The following PHEX variants were observed in gnomAD, a reference collection of about 807,000 sequenced individuals.
The protein encoded by PHEX is phosphate-regulating neutral endopeptidase PHEX.
In PHEX, 16 loss-of-function variants were observed where a neutral mutation model predicts 68.0. The ratio of observed to expected loss-of-function variants is 0.24; its 90% CI spans 0.16 to 0.36. The LOEUF (loss-of-function observed/expected upper bound fraction) is 0.36, where lower values mean the gene tolerates loss of function less well. PHEX is among the 10% of genes least tolerant of loss of function. PHEX has a pLI of 1.00. For missense variants in PHEX, 480 were observed against 575.5 expected (o/e 0.83, Z 1.70); for synonymous variants, 208 against 205.1 (o/e 1.01, Z -0.12).
chrX:22,174,003 A>C (rs1450219611), intron 13 of PHEX, among the ~76,000 whole-genome samples: 1 of 112,018 alleles, frequency 8.9e-6, no homozygotes, highest in African/African-American at 3.2e-5. Flanking sequence ...CGCTTATTAC[A>C]GGTTCTCCAT....
In PHEX at chrX:22,075,942, C is replaced by A. The variant is rs190193842; in HGVS notation, c.350-446C>A. Among the ~76,000 whole-genome samples the A allele has an allele frequency of 4.7e-3, 530 of 112,055 alleles. 2 individuals carry two copies. Among genetic ancestry groups the A allele is most frequent in the African/African-American group, 0.016 (485 of 30,786 alleles). ...CTAATGGGAAATTTCTTCCGGGTGA[C>A]CTCCTTGAGAGGCTGGGCTGTGGAG... On this transcript the variant is annotated intron_variant, in intron 3 of 21. Transcript: ENST00000379374.
chrX:22,174,721 G>A (rs1296274215), intron 13 of PHEX, among the ~76,000 whole-genome samples: 2 of 111,800 alleles, frequency 1.8e-5, no homozygotes, highest in African/African-American at 3.3e-5. Flanking sequence ...CTCTATTTCT[G>A]TACTGCCGTA....
chrX:22,044,712 C>CAAA (rs1376285177), intron 2 of PHEX, among the ~76,000 whole-genome samples: 2,641 of 95,329 alleles, frequency 0.028, 93 homozygotes, highest in African/African-American at 0.096. Context: ...GACTCTGTCT[C>CAAA]AAAAAATAAA....
intron 15 of PHEX, among the ~76,000 whole-genome samples, chrX:22,212,292 G>A (rs750313549): frequency 6.3e-5 from 7 of 110,846 alleles, no homozygotes; most frequent in Non-Finnish European, 1.1e-4. Flanking sequence ...TTGGCATCTC[G>A]CTGAACTCCC....
At position 22,245,392 on chromosome X, in the gene PHEX, C is replaced by T; in HGVS notation, c.2130C>T (p.His710=). 1 of 1,201,040 alleles carries T rather than the reference C, an allele frequency of 8.3e-7. No homozygotes were observed. The part of the protein sequence containing the change: ...AAREQVQIGA[H]SPPQFRVNGA... ...GAGAACAAGTCCAAATTGGTGCTCA[C>T]AGTCCCCCTCAGTTTAGGTAAATGG... The change falls in exon 21 of 22, where the codon CAC becomes CAT. Residue 710 remains histidine, a synonymous_variant. Transcript: ENST00000379374.
At chrX:22,179,783 T>C (rs1291503381) in intron 14 of PHEX, among the ~76,000 whole-genome samples, 1 of 112,140 alleles carries the variant, frequency 8.9e-6, no homozygotes. Flanking sequence ...AAGTTTATTT[T>C]AATTCTTTGA....
rs187831665 is a variant in PHEX, at chrX:22,167,167, G to A, written c.1405-1145G>A. 3.5e-4 allele frequency among the ~76,000 whole-genome samples: 39 copies of A among 110,913 alleles called. No homozygotes were observed. The East Asian group carries it at 0.01, about 29-fold the overall frequency. On this transcript the variant is annotated intron_variant, in intron 12 of 21. Transcript: ENST00000379374. Reference sequence around the variant, plus strand: ...TCCTTTGGATATATCCCCAGAAGTAGGATTACTGCTTTGTATGGTAGTTAC... The same window carrying A: ...TCCTTTGGATATATCCCCAGAAGTAAGATTACTGCTTTGTATGGTAGTTAC...
intron 11 of PHEX, among the ~76,000 whole-genome samples, chrX:22,131,383 A>G (rs1309851128): frequency 8.9e-6 from 1 of 112,727 alleles, no homozygotes; most frequent in East Asian, 2.8e-4. Context: ...TAATGGGCAG[A>G]CAAAGTTAAG....
At chrX:22,240,899 C>T (rs1936167077) in intron 20 of PHEX, among the ~76,000 whole-genome samples, 1 of 111,867 alleles carries the variant, frequency 8.9e-6, no homozygotes, top group African/African-American at 3.3e-5. Flanking sequence ...AGGGCTTGAA[C>T]TCAGCTCTGG....
At chrX:22,041,267 A>G (rs6633507) in intron 2 of PHEX, among the ~76,000 whole-genome samples, 1 of 45,160 alleles carries the variant, frequency 2.2e-5, no homozygotes. Context: ...CTCTCTCTCT[A>G]TATATATATA....
intron 14 of PHEX, among the ~76,000 whole-genome samples, chrX:22,180,684 T>C (rs1265314068): frequency 8.9e-6 from 1 of 112,013 alleles, no homozygotes; most frequent in Non-Finnish European, 1.9e-5. Flanking sequence ...AGTTGTTGAC[T>C]GCAGTCACCC....
intron 9 of PHEX, among the ~76,000 whole-genome samples, chrX:22,110,163 G>T (rs936794771): frequency 8.9e-6 from 1 of 111,861 alleles, no homozygotes; most frequent in Non-Finnish European, 1.9e-5. Flanking sequence ...TAACATCATC[G>T]ATAGCTTCTT....
At chrX:22,057,447 C>T (rs764739554) in intron 3 of PHEX, among the ~76,000 whole-genome samples, 1 of 110,954 alleles carries the variant, frequency 9.0e-6, no homozygotes, top group Non-Finnish European at 1.9e-5. Context: ...CAAAAATTAG[C>T]CAGACCTGGT....
At chrX:22,226,666 T>C (rs1357230984) in intron 19 of PHEX, among the ~76,000 whole-genome samples, 158 bp downstream of exon 19, 1 of 111,901 alleles carries the variant, frequency 8.9e-6, no homozygotes, top group Non-Finnish European at 1.9e-5. Context: ...TTGACCCTAT[T>C]ACATAAAGAG....
intron 15 of PHEX, among the ~76,000 whole-genome samples, chrX:22,202,585 A>G (rs180721313): frequency 8.9e-6 from 1 of 112,179 alleles, no homozygotes; most frequent in African/African-American, 3.2e-5. Context: ...TTTTTTGTCT[A>G]ACTGATATAG....
chrX:22,249,458 ATATATATATAT>A lies in PHEX; in HGVS notation c.*1506_*1516del, dbSNP rs1569100284. 0.017 allele frequency: 646 copies of A among 39,060 alleles called. 15 individuals carry two copies. The highest frequency in any genetic ancestry group is 0.018 in the Non-Finnish European group (400 of 21,816). 3.2% of individuals were successfully genotyped at this position (39,060 alleles called of 1,213,427 possible). ...TGATTCTTTTAAAAAAAAAAAAAAT[ATATATATATAT>A]ATATATATATATATATATGTATATC... is the stretch of plus-strand genomic sequence containing the variant. On this transcript the variant is annotated 3_prime_UTR_variant, in exon 22 of 22. Transcript: ENST00000379374.
At chrX:22,219,138 TATA>T (rs761023801) in intron 17 of PHEX, 35 bp downstream of exon 17, 1,156 of 888,486 alleles carry the variant, frequency 1.3e-3, no homozygotes, top group Non-Finnish European at 1.4e-3. Context: ...CTGCTGCTTT[TATA>T]ATAATGTTGA....
chrX:22,085,574 CAAAAA>C (rs61594590), intron 5 of PHEX, among the ~76,000 whole-genome samples: 1 of 52,819 alleles, frequency 1.9e-5, no homozygotes. Flanking sequence ...GACTCCATCT[CAAAAA>C]AAAAAAAAAA....
At chrX:22,165,243 A>T (rs922665326) in intron 12 of PHEX, among the ~76,000 whole-genome samples, 1 of 111,690 alleles carries the variant, frequency 9.0e-6, no homozygotes, top group Non-Finnish European at 1.9e-5. Context: ...ATGTTGGGTC[A>T]TCTGGAGGCA....
Sources: gnomAD v4.1 joint callset for allele counts (sites outside exome capture counted in the v4.1 genomes callset) on GRCh38, gnomAD v4.1.1 for gene constraint, MANE v1.5 for transcripts, NCBI Gene and HGNC (gene_info 2026-07-23, HGNC 2026-07-21) for gene names.